The following NPR3 variants were observed in gnomAD, a reference collection of about 807,000 sequenced individuals.
NPR3 encodes atrial natriuretic peptide receptor 3.
A neutral mutation model predicts 54.5 loss-of-function variants in NPR3; 34 were observed. That is an observed-to-expected ratio of 0.62 (90% confidence interval 0.47 to 0.83). The LOEUF (loss-of-function observed/expected upper bound fraction) is 0.83. Among genes scored for constraint, NPR3 ranks in the 40% least tolerant of loss-of-function variants. The pLI is 0.00. For synonymous variants in NPR3, 289 were observed against 297.1 expected (o/e 0.97, Z 0.28); for missense variants, 674 against 720.8 (o/e 0.94, Z 0.74).
intron 3 of NPR3, among the ~76,000 whole-genome samples, chr5:32,773,194 T>C (rs1741863470): frequency 6.6e-6 from 1 of 152,204 alleles, no homozygotes; most frequent in African/African-American, 2.4e-5. Flanking sequence ...TTCTGCATCA[T>C]TGGCATTTCA....
At chr5:32,710,698 C>A, upstream of NPR3, 1 of 1,546,270 alleles carries the variant, frequency 6.5e-7, no homozygotes, top group Non-Finnish European at 8.7e-7. Flanking sequence ...GGTCCTTGTT[C>A]CCTGACCTTG....
In NPR3 at chr5:32,738,963, A is replaced by T. The variant is rs769796902; in HGVS notation, c.992A>T (p.Glu331Val). 2.5e-5 allele frequency: 41 copies of T among 1,613,874 alleles called. No individual in the cohort carries two copies. Among genetic ancestry groups the T allele is most frequent in the Non-Finnish European group, 3.2e-5 (38 of 1,179,876 alleles). ...ACTCTACTGAGGACAGTGAAACCTG[A>T]GTTTGAGAAGTTTTCCATGGAGGTG... ...TVTLLRTVKP[E>V]FEKFSMEVKS... is the part of the protein sequence containing the mutation. The change falls in exon 3 of 8, where the codon GAG becomes GTG. Residue 331 changes from glutamate (E) to valine (V), a missense_variant. Coordinates refer to ENST00000265074, the MANE Select transcript of NPR3 (RefSeq NM_001204375.2).
intron 3 of NPR3, among the ~76,000 whole-genome samples, chr5:32,758,714 C>G (rs980480883): frequency 6.6e-6 from 1 of 152,180 alleles, no homozygotes; most frequent in Non-Finnish European, 1.5e-5. Context: ...AATTTTAGAT[C>G]TTTCCTGCTT....
chr5:32,715,770 T>G (rs1738515488), intron 1 of NPR3, among the ~76,000 whole-genome samples: 1 of 152,230 alleles, frequency 6.6e-6, no homozygotes, highest in South Asian at 2.1e-4. Flanking sequence ...CTTTATATGA[T>G]GCAGAACTAG....
In NPR3 at chr5:32,712,006, A is replaced by G; in HGVS notation, c.230A>G (p.Glu77Gly). ...FSLTRVRPAI[E>G]YALRSVEGNG... ...CTCACCCGGGTGCGGCCGGCCATCG[A>G]GTATGCTCTGCGCAGCGTGGAGGGC... Residue 77 changes from glutamate to glycine, a missense_variant, in exon 1 of 8, where the codon GAG becomes GGG. Transcript: ENST00000265074. The G allele has an allele frequency of 6.2e-7, 1 of 1,613,356 alleles. No individual in the cohort carries two copies. Among genetic ancestry groups the G allele is most frequent in the Non-Finnish European group, 8.5e-7 (1 of 1,179,616 alleles).
At chr5:32,695,404 A>C (rs1431938059) in intron 1 of NPR3, among the ~76,000 whole-genome samples, 1 of 152,140 alleles carries the variant, frequency 6.6e-6, no homozygotes, top group South Asian at 2.1e-4. Flanking sequence ...AGCTGGGACT[A>C]CAGGTGCCCG....
intron 3 of NPR3, among the ~76,000 whole-genome samples, chr5:32,746,289 T>G (rs764814410): frequency 6.6e-6 from 1 of 152,206 alleles, no homozygotes; most frequent in Non-Finnish European, 1.5e-5. Flanking sequence ...ATGTACAAAA[T>G]GTTGTGTGTA....
chr5:32,708,829 A>G (rs1738067008), upstream of NPR3, among the ~76,000 whole-genome samples: 1 of 152,170 alleles, frequency 6.6e-6, no homozygotes, highest in African/African-American at 2.4e-5. Context: ...TTTTCATTTG[A>G]AAAGGTTTTT....
intron 3 of NPR3, among the ~76,000 whole-genome samples, chr5:32,763,248 T>G (rs1448535425): frequency 6.6e-6 from 1 of 152,168 alleles, no homozygotes; most frequent in Non-Finnish European, 1.5e-5. Flanking sequence ...TGTAGTATAG[T>G]TTGAAGTCAG....
In NPR3 at chr5:32,764,645, G is replaced by A. The variant is rs993590477; in HGVS notation, c.1060-10063G>A. Among the ~76,000 whole-genome samples the A allele has an allele frequency of 4.0e-4, 61 of 151,722 alleles. 1 individual carries two copies. Among genetic ancestry groups the A allele is most frequent in the African/African-American group, 1.3e-3 (55 of 41,350 alleles). On this transcript the variant is annotated intron_variant, in intron 3 of 7. Coordinates refer to ENST00000265074, the MANE Select transcript of NPR3 (RefSeq NM_001204375.2). The stretch of plus-strand genomic sequence containing the variant: ...TCTACCAAAAATACAAAAGTTAGCC[G>A]GGCGTGGTGGCGGGTGCCTGTAGTC...
intron 3 of NPR3, among the ~76,000 whole-genome samples, chr5:32,765,547 G>A (rs966077725): frequency 1.3e-5 from 2 of 152,190 alleles, no homozygotes; most frequent in Non-Finnish European, 2.9e-5. Context: ...CGCAGGGCTA[G>A]GTCCCAGTGT....
chr5:32,740,878 G>A (rs16890208), intron 3 of NPR3, among the ~76,000 whole-genome samples: 19,995 of 150,874 alleles, frequency 0.13, 1,397 homozygotes, highest in South Asian at 0.22. Context: ...CAGAGCCTAC[G>A]TTTAAGGAAA....
rs746218940 is a variant in NPR3 at position 32,789,660 on chromosome 5, A to C, written c.*3315A>C. 15 of 534,626 alleles carry C rather than the reference A, an allele frequency of 2.8e-5. No homozygotes were observed. The Admixed American group carries it at 2.9e-4, about 10-fold the overall frequency. 33.1% of individuals were successfully genotyped at this position (534,626 alleles called of 1,614,324 possible). ...AAAATCATTAATTTACTCAAGGCAC[A>C]TGTGCCTTCTTTGCCCCAAATGCAT... On this transcript the variant is annotated 3_prime_UTR_variant, in exon 8 of 8. Transcript: ENST00000265074.
intron 2 of NPR3, among the ~76,000 whole-genome samples, chr5:32,726,429 C>T (rs1453688142): frequency 6.6e-6 from 1 of 152,162 alleles, no homozygotes; most frequent in Non-Finnish European, 1.5e-5. Flanking sequence ...CCATGATGGT[C>T]TTTTCCCCTC....
chr5:32,752,702 G>C (rs1408346954), intron 3 of NPR3, among the ~76,000 whole-genome samples: 4 of 152,124 alleles, frequency 2.6e-5, no homozygotes, highest in African/African-American at 7.2e-5. Context: ...TAATGAGTTC[G>C]CATGGCAACA....
chr5:32,708,012 A>C (rs1738043613), upstream of NPR3, among the ~76,000 whole-genome samples: 1 of 140,648 alleles, frequency 7.1e-6, no homozygotes, highest in Non-Finnish European at 1.5e-5. Context: ...AAAAAAAAAA[A>C]AAAACAACCC....
chr5:32,693,627 G>T (rs1167548629), intron 1 of NPR3, among the ~76,000 whole-genome samples: 1 of 152,092 alleles, frequency 6.6e-6, no homozygotes, highest in Non-Finnish European at 1.5e-5. Flanking sequence ...AACACGATTG[G>T]CTATCACACA....
intron 1 of NPR3, among the ~76,000 whole-genome samples, chr5:32,715,828 CT>C (rs1738519113): frequency 6.6e-6 from 1 of 152,118 alleles, no homozygotes; most frequent in African/African-American, 2.4e-5. Context: ...TAGTTTTATC[CT>C]TTTAGTTATT....
chr5:32,698,951 A>G (rs1259213627), intron 1 of NPR3, among the ~76,000 whole-genome samples: 1 of 152,192 alleles, frequency 6.6e-6, no homozygotes, highest in African/African-American at 2.4e-5. Flanking sequence ...TTGATTGGAA[A>G]GTTTAGTCCA....
Sources: gnomAD v4.1 joint callset for allele counts (sites outside exome capture counted in the v4.1 genomes callset) on GRCh38, gnomAD v4.1.1 for gene constraint, MANE v1.5 for transcripts, NCBI Gene and HGNC (gene_info 2026-07-23, HGNC 2026-07-21) for gene names.